The following STRN variants were observed in gnomAD, a reference collection of about 807,000 sequenced individuals.
STRN encodes protein phosphatase 2 regulatory subunit B'''alpha.
In STRN, 53 loss-of-function variants were observed where a neutral mutation model predicts 96.3. The ratio of observed to expected loss-of-function variants is 0.55; its 90% CI spans 0.44 to 0.69. The LOEUF is 0.69. Ranked by LOEUF, STRN falls within the 30% of genes least tolerant of loss-of-function variation. The pLI is 0.00. For missense variants in STRN, 987 were observed against 963.9 expected (o/e 1.02, Z -0.32); for synonymous variants, 428 against 355.9 (o/e 1.20, Z -2.28).
rs1487621535 is a variant in STRN, at chr2:36,844,775, T to A, written c.*4681A>T. ...CTGACATGAAGATCCAGTTGGATGA[T>A]GGATATTGCCAATTAAAAAGTTTGT... On this transcript the variant is annotated 3_prime_UTR_variant, in exon 18 of 18. Coordinates refer to ENST00000263918, the MANE Select transcript of STRN (RefSeq NM_003162.4). The A allele has an allele frequency of 6.6e-6, 1 of 152,154 alleles. No individual in the cohort carries two copies. The highest frequency in any genetic ancestry group is 1.9e-4 in the East Asian group (1 of 5,204). The allele number at this position is 152,154 out of a possible 1,614,324, so 9.4% of individuals were successfully genotyped here.
chr2:36,851,807 T>C (rs937320107), intron 15 of STRN, among the ~76,000 whole-genome samples: 2 of 152,224 alleles, frequency 1.3e-5, no homozygotes, highest in African/African-American at 4.8e-5. Context: ...TATCACATCA[T>C]TATCATCTAA....
At chr2:36,961,427 C>G (rs569840368) in intron 1 of STRN, among the ~76,000 whole-genome samples, 1 of 152,098 alleles carries the variant, frequency 6.6e-6, no homozygotes, top group South Asian at 2.1e-4. Flanking sequence ...TGCACCTGGC[C>G]CTCTAAAAAC....
intron 3 of STRN, among the ~76,000 whole-genome samples, 193 bp downstream of exon 3, chr2:36,915,885 G>A (rs530173022): frequency 3.9e-5 from 6 of 152,260 alleles, no homozygotes; most frequent in East Asian, 1.9e-4. Flanking sequence ...TAAAAGAAAG[G>A]GGAAGAGGGA....
intron 1 of STRN, among the ~76,000 whole-genome samples, chr2:36,961,204 G>A (rs1057417564): frequency 2.2e-5 from 3 of 135,086 alleles, no homozygotes; most frequent in African/African-American, 8.7e-5. Context: ...ATGACTCACT[G>A]CAGCTTCAAC....
intron 4 of STRN, among the ~76,000 whole-genome samples, chr2:36,905,038 C>A (rs1669786590): frequency 6.7e-6 from 1 of 150,108 alleles, no homozygotes; most frequent in East Asian, 2.0e-4. Flanking sequence ...GGCGCGATCT[C>A]GGCTCACTGC....
intron 3 of STRN, among the ~76,000 whole-genome samples, chr2:36,913,244 G>A (rs1033416846): frequency 2.6e-5 from 4 of 152,082 alleles, no homozygotes; most frequent in Admixed American, 6.5e-5. Flanking sequence ...ATTCCTAAGC[G>A]TGAACTACTT....
intron 10 of STRN, among the ~76,000 whole-genome samples, chr2:36,870,731 A>G (rs1480628307): frequency 6.6e-6 from 1 of 152,216 alleles, no homozygotes; most frequent in Non-Finnish European, 1.5e-5. Flanking sequence ...GTTATTTATT[A>G]TAATTTTTAT....
At chr2:36,885,742 T>A (rs1266679064) in intron 8 of STRN, among the ~76,000 whole-genome samples, 2 of 152,154 alleles carry the variant, frequency 1.3e-5, no homozygotes, top group African/African-American at 2.4e-5. Flanking sequence ...AGCTTTAGCA[T>A]CACTACAGAG....
chr2:36,922,354 C>T (rs1416102905), intron 2 of STRN, among the ~76,000 whole-genome samples: 3 of 151,552 alleles, frequency 2.0e-5, no homozygotes, highest in African/African-American at 7.3e-5. Context: ...CCCTGTCTCT[C>T]TAAAAAATTA....
intron 1 of STRN, among the ~76,000 whole-genome samples, chr2:36,935,366 CTTATA>C (rs1670676537): frequency 6.6e-6 from 1 of 152,128 alleles, no homozygotes; most frequent in Non-Finnish European, 1.5e-5. Flanking sequence ...CTTTATGAGA[CTTATA>C]TTAATGTTCA....
chr2:36,952,417 T>C (rs2148269982), intron 1 of STRN, among the ~76,000 whole-genome samples: 1 of 143,456 alleles, frequency 7.0e-6, no homozygotes, highest in Non-Finnish European at 1.5e-5. Context: ...AGAAAACATT[T>C]CAGCCCTGCA....
chr2:36,943,067 T>C (rs1271662758), intron 1 of STRN, among the ~76,000 whole-genome samples: 1 of 152,144 alleles, frequency 6.6e-6, no homozygotes, highest in African/African-American at 2.4e-5. Flanking sequence ...TAATAATACT[T>C]TTCTGCCATA....
chr2:36,944,973 C>G (rs1670941852), intron 1 of STRN, among the ~76,000 whole-genome samples: 1 of 152,170 alleles, frequency 6.6e-6, no homozygotes, highest in African/African-American at 2.4e-5. Context: ...AGCAGTCATT[C>G]TGGAAAGCAA....
chr2:36,865,249 T>C (rs938123553), intron 12 of STRN, among the ~76,000 whole-genome samples: 1 of 152,248 alleles, frequency 6.6e-6, no homozygotes, highest in African/African-American at 2.4e-5. Context: ...CTACGTTTTC[T>C]AGTTTGTGTG....
At chr2:36,879,598 T>C (rs1005594222) in intron 9 of STRN, among the ~76,000 whole-genome samples, 4 of 152,234 alleles carry the variant, frequency 2.6e-5, no homozygotes, top group Non-Finnish European at 5.9e-5. Context: ...TCACTCTTTA[T>C]AAATGCAATT....
chr2:36,868,647 GC>G (rs2148148512), intron 11 of STRN, among the ~76,000 whole-genome samples: 1 of 152,268 alleles, frequency 6.6e-6, no homozygotes, highest in South Asian at 2.1e-4. Flanking sequence ...TCTGGTTTTA[GC>G]AACATCTGGT....
chr2:36,901,316 G>T (rs991898595), intron 5 of STRN, among the ~76,000 whole-genome samples: 1 of 152,110 alleles, frequency 6.6e-6, no homozygotes, highest in African/African-American at 2.4e-5. Flanking sequence ...ACTTCAGGAG[G>T]CCAAGGCGGG....
intron 12 of STRN, 70 bp downstream of exon 12, chr2:36,867,742 GAA>G: frequency 9.6e-7 from 1 of 1,040,928 alleles, no homozygotes; most frequent in Non-Finnish European, 1.3e-6. Context: ...GTAAGTGAAA[GAA>G]AATAAAATAT....
At chr2:36,917,061 AAAAT>A (rs1365302726) in intron 2 of STRN, among the ~76,000 whole-genome samples, 1 of 149,948 alleles carries the variant, frequency 6.7e-6, no homozygotes, top group Non-Finnish European at 1.5e-5. Context: ...ATAAAAAATA[AAAAT>A]AAATAAAAAA....
Sources: allele counts gnomAD v4.1 joint callset (sites outside exome capture counted in the v4.1 genomes callset), GRCh38; gene constraint gnomAD v4.1.1; transcripts MANE v1.5; gene names NCBI Gene and HGNC (gene_info 2026-07-23, HGNC 2026-07-21).